Variants in SMOC1 observed in about 807,000 individuals in gnomAD.
SMOC1 encodes SPARC-related modular calcium-binding protein 1.
In SMOC1, 22 loss-of-function variants were observed where a neutral mutation model predicts 56.3. The ratio of observed to expected loss-of-function variants is 0.39; its 90% confidence interval spans 0.28 to 0.56. SMOC1 has a LOEUF of 0.56. Among genes scored for constraint, SMOC1 ranks in the 20% least tolerant of loss-of-function variants. SMOC1 has a pLI of 0.61. For synonymous variants in SMOC1, 193 were observed against 215.0 expected (o/e 0.90, Z 0.89); for missense variants, 509 against 565.4 (o/e 0.90, Z 1.01).
chr14:69,990,946 T>C (rs1350831448), intron 5 of SMOC1, among the ~76,000 whole-genome samples: 1 of 152,178 alleles, frequency 6.6e-6, no homozygotes, highest in Non-Finnish European at 1.5e-5. Flanking sequence ...AGAGTCTCCA[T>C]AGCTCTTGAA....
intron 5 of SMOC1, among the ~76,000 whole-genome samples, chr14:69,989,608 C>T (rs1884490617): frequency 6.6e-6 from 1 of 152,128 alleles, no homozygotes; most frequent in Non-Finnish European, 1.5e-5. Context: ...GAGGATATTG[C>T]TATCCAGAGA....
intron 3 of SMOC1, among the ~76,000 whole-genome samples, chr14:69,961,274 A>ATG (rs1883366133): frequency 4.7e-5 from 1 of 21,194 alleles, no homozygotes; most frequent in Admixed American, 5.6e-4. Flanking sequence ...TCTATTGTGT[A>ATG]TATATATATA....
At chr14:69,891,563 C>A (rs78889306) in intron 1 of SMOC1, among the ~76,000 whole-genome samples, 3 of 152,152 alleles carry the variant, frequency 2.0e-5, no homozygotes, top group South Asian at 2.1e-4. Flanking sequence ...CTCCCTACCC[C>A]CTGAACTGCA....
chr14:69,887,252 TAA>T (rs1883834535), intron 1 of SMOC1, among the ~76,000 whole-genome samples: 1 of 151,148 alleles, frequency 6.6e-6, no homozygotes, highest in Non-Finnish European at 1.5e-5. Context: ...TAACTAAAAT[TAA>T]AAAAAAGTTT....
intron 10 of SMOC1, among the ~76,000 whole-genome samples, chr14:70,021,581 G>A (rs769523781): frequency 1.3e-5 from 2 of 152,182 alleles, no homozygotes; most frequent in Non-Finnish European, 2.9e-5. Flanking sequence ...AACCTGTCAC[G>A]ATGAGGTCCC....
chr14:69,962,743 AT>A (rs1883430116), intron 3 of SMOC1, among the ~76,000 whole-genome samples: 1 of 150,554 alleles, frequency 6.6e-6, no homozygotes, highest in Admixed American at 6.6e-5. Context: ...TGCAGGGATA[AT>A]TTTTGTGTTT....
chr14:69,928,662 C>A (rs1393513758), intron 1 of SMOC1, among the ~76,000 whole-genome samples: 1 of 151,742 alleles, frequency 6.6e-6, no homozygotes, highest in Non-Finnish European at 1.5e-5. Context: ...TTTCAGAGTA[C>A]AAGTGAAACA....
At chr14:69,915,952 C>A (rs891629932) in intron 1 of SMOC1, among the ~76,000 whole-genome samples, 1 of 152,186 alleles carries the variant, frequency 6.6e-6, no homozygotes, top group African/African-American at 2.4e-5. Context: ...CTTTGCTTAT[C>A]TTTTCTAATT....
intron 7 of SMOC1, among the ~76,000 whole-genome samples, chr14:70,004,430 C>T (rs1885077195): frequency 6.6e-6 from 1 of 152,220 alleles, no homozygotes; most frequent in Non-Finnish European, 1.5e-5. Flanking sequence ...GGTTGCCCTT[C>T]ATAATGTGGG....
chr14:70,019,444 T>C (rs375315577), intron 10 of SMOC1, among the ~76,000 whole-genome samples: 1 of 152,230 alleles, frequency 6.6e-6, no homozygotes, highest in East Asian at 1.9e-4. Flanking sequence ...GTCTGCAGTG[T>C]GGACAAGCGA....
chr14:70,018,685 C>A (rs1458029629), intron 10 of SMOC1, among the ~76,000 whole-genome samples: 6 of 152,186 alleles, frequency 3.9e-5, no homozygotes, highest in African/African-American at 1.4e-4. Context: ...GGAACCCTCT[C>A]CTGGCTTCAC....
intron 1 of SMOC1, among the ~76,000 whole-genome samples, chr14:69,934,921 T>C (rs926522643): frequency 6.6e-6 from 1 of 152,222 alleles, no homozygotes; most frequent in Non-Finnish European, 1.5e-5. Context: ...AGATTACCTC[T>C]TGGGTGGTTG....
rs752629540 is a variant in SMOC1 at position 69,975,819 on chromosome 14, CGT to C, written c.478+6_478+7del. On this transcript the variant is annotated splice_donor_region_variant and intron_variant, in intron 4 of 11. Coordinates refer to ENST00000361956, the MANE Select transcript of SMOC1 (RefSeq NM_001034852.3). ...ATAAAACTCCTGTATGTTCAGGTAC[CGT>C]AGGGAGGGGCGGGAAGAATGAAAAG... 3.7e-6 allele frequency: 6 copies of C among 1,603,184 alleles called. No homozygotes were observed. The highest frequency in any genetic ancestry group is 5.1e-6 in the Non-Finnish European group (6 of 1,171,920).
At chr14:70,029,877 C>T (rs550465623) in intron 11 of SMOC1, among the ~76,000 whole-genome samples, 124 of 152,280 alleles carry the variant, frequency 8.1e-4, no homozygotes, top group African/African-American at 2.6e-3. Context: ...AAACCCCTGT[C>T]GTTTCCACCC....
intron 3 of SMOC1, among the ~76,000 whole-genome samples, chr14:69,959,035 G>C (rs1000754897): frequency 3.3e-5 from 5 of 152,094 alleles, no homozygotes; most frequent in African/African-American, 1.2e-4. Context: ...TTAAGCCAGT[G>C]ATTTCATGAC....
At chr14:69,920,281 G>A (rs908355671) in intron 1 of SMOC1, among the ~76,000 whole-genome samples, 2 of 152,190 alleles carry the variant, frequency 1.3e-5, no homozygotes, top group Non-Finnish European at 2.9e-5. Flanking sequence ...ACCCCAAAAT[G>A]TGATCCTAGA....
chr14:69,915,190 A>T (rs537908923), intron 1 of SMOC1, among the ~76,000 whole-genome samples: 29 of 152,198 alleles, frequency 1.9e-4, no homozygotes, highest in South Asian at 4.1e-4. Flanking sequence ...CTGTCCTCAA[A>T]CTTCCAACAC....
intron 10 of SMOC1, among the ~76,000 whole-genome samples, chr14:70,014,542 G>C (rs1566711601): frequency 1.3e-5 from 2 of 152,228 alleles, no homozygotes; most frequent in Admixed American, 6.5e-5. Flanking sequence ...AGCAGAGGAG[G>C]TAAGAGTGGT....
chr14:69,915,561 A>G (rs1471967613), intron 1 of SMOC1, among the ~76,000 whole-genome samples: 3 of 152,090 alleles, frequency 2.0e-5, no homozygotes, highest in African/African-American at 7.2e-5. Flanking sequence ...TTGGCAGCAA[A>G]ACTCCCTATA....
Sources: gnomAD v4.1 joint callset for allele counts (sites outside exome capture counted in the v4.1 genomes callset) on GRCh38, gnomAD v4.1.1 for gene constraint, MANE v1.5 for transcripts, NCBI Gene and HGNC (gene_info 2026-07-23, HGNC 2026-07-21) for gene names.